The following SH2D4A variants were observed in gnomAD, a reference collection of about 807,000 sequenced individuals.
SH2D4A encodes SH2 domain-containing protein 4A.
Under a neutral mutation model 64.7 loss-of-function variants are expected in SH2D4A, and 70 were observed. The ratio of observed to expected loss-of-function variants is 1.08; its 90% CI spans 0.89 to 1.32. SH2D4A has a LOEUF of 1.32. Among genes scored for constraint, SH2D4A ranks in the 40% most tolerant of loss-of-function variants. SH2D4A has a pLI of 0.00. For synonymous variants in SH2D4A, 268 were observed against 200.7 expected, an observed-to-expected ratio of 1.34 and a Z score of -2.83; for missense variants, 706 against 540.1, an observed-to-expected ratio of 1.31 and a Z score of -3.04.
At chr8:19,385,481 CT>C (rs1563213182) in intron 8 of SH2D4A, among the ~76,000 whole-genome samples, 1 of 152,072 alleles carries the variant, frequency 6.6e-6, no homozygotes, top group East Asian at 1.9e-4. Flanking sequence ...GATTACAGGC[CT>C]GAGCCACCAC....
intron 8 of SH2D4A, among the ~76,000 whole-genome samples, chr8:19,388,167 G>A (rs1421920129): frequency 1.3e-5 from 2 of 152,172 alleles, no homozygotes; most frequent in Non-Finnish European, 2.9e-5. Context: ...GAGCCTAGTG[G>A]GTTAAAAAGC....
chr8:19,319,223 T>G, intron 1 of SH2D4A, 121 bp from the exon 2 acceptor site: 1 of 693,500 alleles, frequency 1.4e-6, no homozygotes, highest in South Asian at 6.7e-5. Context: ...TCTTCTTCTC[T>G]TTTCTCTCTG....
At chr8:19,322,034 C>G (rs1273064745) in intron 2 of SH2D4A, among the ~76,000 whole-genome samples, 1 of 152,298 alleles carries the variant, frequency 6.6e-6, no homozygotes, top group Admixed American at 6.5e-5. Context: ...CTATCAATAT[C>G]TCACGTCAAA....
intron 4 of SH2D4A, among the ~76,000 whole-genome samples, chr8:19,341,465 A>G (rs1374158334): frequency 1.3e-5 from 2 of 152,204 alleles, no homozygotes; most frequent in African/African-American, 4.8e-5. Flanking sequence ...TTCCAGGATT[A>G]TAAACAATAT....
chr8:19,373,243 C>T (rs1017290039), intron 7 of SH2D4A, among the ~76,000 whole-genome samples: 2 of 151,756 alleles, frequency 1.3e-5, no homozygotes, highest in African/African-American at 2.4e-5. Context: ...TGTGTCAGGG[C>T]TCCAGCCTCC....
chr8:19,394,437 C>A, intron 9 of SH2D4A, 113 bp from the exon 10 acceptor site: 1 of 685,752 alleles, frequency 1.5e-6, no homozygotes, highest in Non-Finnish European at 2.3e-6. Context: ...GATCATAAAC[C>A]ACAAAAGCTT....
chr8:19,370,507 C>G (rs2053076790), intron 7 of SH2D4A, among the ~76,000 whole-genome samples: 1 of 152,002 alleles, frequency 6.6e-6, no homozygotes, highest in African/African-American at 2.4e-5. Flanking sequence ...TCTCTTCTTA[C>G]AGTTTTCAGC....
chr8:19,352,173 C>A (rs1171250837), intron 4 of SH2D4A, among the ~76,000 whole-genome samples: 1 of 152,230 alleles, frequency 6.6e-6, no homozygotes, highest in Non-Finnish European at 1.5e-5. Context: ...CATAATTCTT[C>A]TCATTTGACA....
At chr8:19,375,606 A>C (rs1259680414) in intron 8 of SH2D4A, 1 of 152,256 alleles carries the variant, frequency 6.6e-6, no homozygotes, top group Non-Finnish European at 1.5e-5. Flanking sequence ...TGGGCTATCA[A>C]TGGAGAGAAG....
chr8:19,394,933 GA>G lies in SH2D4A; in HGVS notation c.*294del, dbSNP rs1261182391. The G allele has an allele frequency of 1.0e-4, 23 of 221,750 alleles. No homozygotes were observed. Among genetic ancestry groups the G allele is most frequent in the African/African-American group, 5.2e-4 (23 of 44,060 alleles). 13.7% of individuals were successfully genotyped at this position (221,750 alleles called of 1,614,324 possible). On this transcript the variant is annotated 3_prime_UTR_variant, in exon 10 of 10. Coordinates refer to ENST00000265807, the MANE Select transcript of SH2D4A (RefSeq NM_022071.4). ...ATGTACATAAAATAAAACAAATGAAGAAATGGAAAACTTTTAGAAATTAAGG... is the reference window on the plus strand; with the variant it reads ...ATGTACATAAAATAAAACAAATGAAGAATGGAAAACTTTTAGAAATTAAGG...
chr8:19,393,472 C>T lies in SH2D4A; in HGVS notation c.1203C>T (p.Asp401=), dbSNP rs371332467. 82 of 1,614,106 alleles carry T rather than the reference C, an allele frequency of 5.1e-5. No homozygotes were observed. The highest frequency in any genetic ancestry group is 9.9e-5 in the South Asian group (9 of 91,094). ...ATTTCCTCATCGATGCCTCTGCAGACGCCTACAGCTTCCTGGGCGTGGACC... is the reference window on the plus strand; with the variant it reads ...ATTTCCTCATCGATGCCTCTGCAGATGCCTACAGCTTCCTGGGCGTGGACC... ...CKHFLIDASA[D]AYSFLGVDQL... Residue 401 remains aspartate (D), a synonymous_variant, in exon 9 of 10, where the codon GAC becomes GAT. Coordinates refer to ENST00000265807, the MANE Select transcript of SH2D4A (RefSeq NM_022071.4).
At chr8:19,341,404 A>G (rs1360053836) in intron 4 of SH2D4A, among the ~76,000 whole-genome samples, 1 of 152,232 alleles carries the variant, frequency 6.6e-6, no homozygotes, top group Non-Finnish European at 1.5e-5. Flanking sequence ...GAAGTTAGTG[A>G]CCATAATCCT....
At position 19,344,528 on chromosome 8, in the gene SH2D4A, C is replaced by T. The variant is rs151061890; in HGVS notation, c.513+9671C>T. The stretch of plus-strand genomic sequence containing the variant: ...GAGAAAGTTCTTTGCTTTCGAAGAG[C>T]GCCTGTGATTAGATTGGGCCCACAG... On this transcript the variant is annotated intron_variant, in intron 4 of 9. Coordinates refer to ENST00000265807, the MANE Select transcript of SH2D4A (RefSeq NM_022071.4). 1.1e-4 allele frequency among the ~76,000 whole-genome samples: 17 copies of T among 152,274 alleles called. No homozygotes were observed. In the East Asian group the frequency reaches 2.7e-3, roughly 24 times the overall value.
intron 5 of SH2D4A, among the ~76,000 whole-genome samples, chr8:19,359,456 C>A (rs1029403234): frequency 6.6e-6 from 1 of 152,122 alleles, no homozygotes; most frequent in Non-Finnish European, 1.5e-5. Flanking sequence ...TATATGTTTC[C>A]TAACCGTTTA....
At chr8:19,333,745 C>G (rs1054667749) in intron 3 of SH2D4A, among the ~76,000 whole-genome samples, 4 of 152,118 alleles carry the variant, frequency 2.6e-5, no homozygotes, top group Non-Finnish European at 4.4e-5. Flanking sequence ...GAAAGTTTAC[C>G]AAGCATAGGT....
intron 8 of SH2D4A, among the ~76,000 whole-genome samples, chr8:19,387,801 C>T (rs538130605): frequency 1.5e-4 from 23 of 152,296 alleles, no homozygotes; most frequent in Non-Finnish European, 1.5e-5. Context: ...TAGGGTTGTT[C>T]CTGCCTCAAT....
intron 2 of SH2D4A, among the ~76,000 whole-genome samples, chr8:19,322,612 CT>C (rs33946166): frequency 0.2 from 24,915 of 126,644 alleles, 2,490 homozygotes; most frequent in East Asian, 0.33. Flanking sequence ...GTCTATTATT[CT>C]TTTTTTTTTT....
chr8:19,320,766 G>C (rs2052176293), intron 2 of SH2D4A, among the ~76,000 whole-genome samples: 1 of 152,060 alleles, frequency 6.6e-6, no homozygotes, highest in African/African-American at 2.4e-5. Flanking sequence ...TGTCATGGGT[G>C]AATACCAAAG....
intron 4 of SH2D4A, among the ~76,000 whole-genome samples, chr8:19,349,644 C>T (rs2052665869): frequency 6.6e-6 from 1 of 152,172 alleles, no homozygotes; most frequent in African/African-American, 2.4e-5. Context: ...ATAAAATGGA[C>T]ATTAAAGTAG....
Sources: allele counts gnomAD v4.1 joint callset (sites outside exome capture counted in the v4.1 genomes callset), GRCh38; gene constraint gnomAD v4.1.1; transcripts MANE v1.5; gene names NCBI Gene and HGNC (gene_info 2026-07-23, HGNC 2026-07-21).